Variants in LRMDA observed in about 807,000 individuals in gnomAD.
LRMDA encodes leucine rich melanocyte differentiation associated, also known as leucine-rich melanocyte differentiation-associated protein.
LRMDA carries 18 observed loss-of-function variants against 29.8 expected under a neutral mutation model. The ratio of observed to expected loss-of-function variants is 0.60; its 90% CI spans 0.42 to 0.90. The LOEUF (loss-of-function observed/expected upper bound fraction) is 0.90, where lower values mean the gene tolerates loss of function less well. LRMDA is among the 40% of genes least tolerant of loss of function. The pLI is 0.00. For synonymous variants in LRMDA, 125 were observed against 109.4 expected, an observed-to-expected ratio of 1.14 and a Z score of -0.89; for missense variants, 273 against 273.9, an observed-to-expected ratio of 1.00 and a Z score of 0.02.
intron 2 of LRMDA, among the ~76,000 whole-genome samples, chr10:75,924,450 A>G (rs1049333839): frequency 3.3e-5 from 5 of 152,016 alleles, no homozygotes; most frequent in Non-Finnish European, 5.9e-5. Flanking sequence ...AAACTGATGG[A>G]TGGCTTGTCA....
chr10:76,498,599 T>C (rs1842891720), intron 6 of LRMDA, among the ~76,000 whole-genome samples: 1 of 76,474 alleles, frequency 1.3e-5, no homozygotes. Context: ...GCCTTTCCAA[T>C]ACACCTGGAG....
intron 2 of LRMDA, among the ~76,000 whole-genome samples, chr10:76,009,872 T>A (rs1485782319): frequency 1.4e-5 from 2 of 146,238 alleles, no homozygotes; most frequent in Non-Finnish European, 3.0e-5. Context: ...TCATTTCATC[T>A]TCCCCCTGTC....
intron 5 of LRMDA, among the ~76,000 whole-genome samples, chr10:76,168,233 C>G (rs1850775382): frequency 6.6e-6 from 1 of 152,168 alleles, no homozygotes; most frequent in South Asian, 2.1e-4. Flanking sequence ...CTCATCAAAA[C>G]CACATCTATT....
intron 2 of LRMDA, among the ~76,000 whole-genome samples, chr10:75,550,793 C>T (rs1273336037): frequency 1.3e-5 from 2 of 151,928 alleles, no homozygotes; most frequent in Non-Finnish European, 2.9e-5. Context: ...ATTTCATCTC[C>T]ACCACTGGCT....
At chr10:75,821,751 A>C (rs1197320878) in intron 2 of LRMDA, among the ~76,000 whole-genome samples, 3 of 150,672 alleles carry the variant, frequency 2.0e-5, no homozygotes, top group African/African-American at 7.3e-5. Flanking sequence ...CCTGGGCGAC[A>C]GAGAGAGACT....
At chr10:75,645,940 T>C (rs1160609072) in intron 2 of LRMDA, among the ~76,000 whole-genome samples, 1 of 151,996 alleles carries the variant, frequency 6.6e-6, no homozygotes, top group Admixed American at 6.5e-5. Flanking sequence ...TTTGTCTCCA[T>C]TTCACTCTTT....
At chr10:76,185,261 T>C (rs997136140) in intron 5 of LRMDA, among the ~76,000 whole-genome samples, 3 of 152,166 alleles carry the variant, frequency 2.0e-5, no homozygotes, top group Non-Finnish European at 4.4e-5. Context: ...CAAGGCTTCA[T>C]GGCTAAACTT....
chr10:76,173,630 T>C (rs1850878597), intron 5 of LRMDA, among the ~76,000 whole-genome samples: 2 of 152,202 alleles, frequency 1.3e-5, no homozygotes, highest in African/African-American at 2.4e-5. Context: ...ATCAAACTCC[T>C]GACAAGAAGA....
intron 6 of LRMDA, among the ~76,000 whole-genome samples, chr10:76,363,116 G>GGAAAGAAA (rs1192417224): frequency 0.011 from 575 of 51,512 alleles, 44 homozygotes; most frequent in East Asian, 0.042. Context: ...TGTGGAGTAA[G>GGAAAGAAA]GAAAGAAAGA....
chr10:75,737,919 C>T (rs567885885), intron 2 of LRMDA, among the ~76,000 whole-genome samples: 2 of 152,272 alleles, frequency 1.3e-5, no homozygotes, highest in East Asian at 1.9e-4. Flanking sequence ...ATGATGGAAA[C>T]GCTGGAAGCA....
chr10:76,528,318 G>A (rs1467561968), intron 6 of LRMDA, among the ~76,000 whole-genome samples: 2 of 151,996 alleles, frequency 1.3e-5, no homozygotes, highest in African/African-American at 2.4e-5. Flanking sequence ...AGAACACAAT[G>A]TTATATAGTA....
intron 2 of LRMDA, among the ~76,000 whole-genome samples, chr10:76,012,715 C>T (rs1198105677): frequency 2.0e-5 from 3 of 152,162 alleles, no homozygotes; most frequent in African/African-American, 7.2e-5. Context: ...CTGAGTTAAA[C>T]TCCTCATCAT....
At chr10:75,650,728 C>G (rs939555253) in intron 2 of LRMDA, among the ~76,000 whole-genome samples, 3 of 152,058 alleles carry the variant, frequency 2.0e-5, no homozygotes, top group African/African-American at 7.2e-5. Flanking sequence ...AGGGAGGGCC[C>G]TTTTCTAACT....
chr10:75,750,562 G>A (rs1437710779), intron 2 of LRMDA, among the ~76,000 whole-genome samples: 13 of 146,704 alleles, frequency 8.9e-5, no homozygotes, highest in African/African-American at 3.1e-4. Context: ...CTCAGAGGAC[G>A]GGCGGCCAGG....
At chr10:76,348,162 G>A (rs902602562) in intron 6 of LRMDA, among the ~76,000 whole-genome samples, 5 of 152,148 alleles carry the variant, frequency 3.3e-5, no homozygotes, top group African/African-American at 7.2e-5. Flanking sequence ...AAATCAAAAT[G>A]TAGCCCCGAG....
chr10:75,648,322 T>A (rs1393520794), intron 2 of LRMDA, among the ~76,000 whole-genome samples: 1 of 151,978 alleles, frequency 6.6e-6, no homozygotes, highest in Non-Finnish European at 1.5e-5. Context: ...CCACACTGCC[T>A]CTTGCTAGCA....
At chr10:75,875,246 A>T (rs1489717910) in intron 2 of LRMDA, among the ~76,000 whole-genome samples, 2 of 152,144 alleles carry the variant, frequency 1.3e-5, no homozygotes, top group African/African-American at 4.8e-5. Flanking sequence ...TTTTGGTGAG[A>T]CTTTTCAAGG....
At chr10:75,673,383 C>G (rs1249601448) in intron 2 of LRMDA, among the ~76,000 whole-genome samples, 1 of 152,118 alleles carries the variant, frequency 6.6e-6, no homozygotes, top group Non-Finnish European at 1.5e-5. Context: ...GGTTTAATAC[C>G]TTCATTTTTC....
chr10:76,258,807 T>A (rs1444677474), intron 5 of LRMDA, among the ~76,000 whole-genome samples: 1 of 152,218 alleles, frequency 6.6e-6, no homozygotes, highest in Admixed American at 6.5e-5. Flanking sequence ...TTTATTTTTA[T>A]GGCTGAGTGA....
Sources: allele counts gnomAD v4.1 joint callset (sites outside exome capture counted in the v4.1 genomes callset), GRCh38; gene constraint gnomAD v4.1.1; transcripts MANE v1.5; gene names NCBI Gene and HGNC (gene_info 2026-07-23, HGNC 2026-07-21).